The following HDAC9 variants were observed in gnomAD, a reference collection of about 807,000 sequenced individuals.
HDAC9 encodes histone deacetylase 9.
Under a neutral mutation model 139.4 loss-of-function variants are expected in HDAC9, and 41 were observed. The ratio of observed to expected loss-of-function variants is 0.29; its 90% CI spans 0.23 to 0.38. HDAC9 has a LOEUF of 0.38. Among genes scored for constraint, HDAC9 ranks in the 10% least tolerant of loss-of-function variants. The pLI is 1.00. For missense variants in HDAC9, 1,147 were observed against 1,297.0 expected, an observed-to-expected ratio of 0.88 and a Z score of 1.78; for synonymous variants, 517 against 476.2, an observed-to-expected ratio of 1.09 and a Z score of -1.12.
intron 1 of HDAC9, among the ~76,000 whole-genome samples, chr7:18,123,241 T>C (rs1038620501): frequency 6.6e-6 from 1 of 152,196 alleles, no homozygotes; most frequent in African/African-American, 2.4e-5. Context: ...TTATCTAAAA[T>C]GGTAAAGGAA....
At chr7:18,726,267 T>C (rs1785538452) in intron 12 of HDAC9, among the ~76,000 whole-genome samples, 1 of 152,194 alleles carries the variant, frequency 6.6e-6, no homozygotes, top group Non-Finnish European at 1.5e-5. Flanking sequence ...CCAGTGTAAT[T>C]TGTACACTTA....
chr7:18,862,750 A>G (rs1367956096), intron 21 of HDAC9, among the ~76,000 whole-genome samples: 1 of 152,222 alleles, frequency 6.6e-6, no homozygotes, highest in African/African-American at 2.4e-5. Context: ...GCTTAGAAGC[A>G]TATCTAAATC....
chr7:18,427,793 T>A (rs1020072641), intron 1 of HDAC9, among the ~76,000 whole-genome samples: 1 of 151,984 alleles, frequency 6.6e-6, no homozygotes, highest in Admixed American at 6.6e-5. Flanking sequence ...TGTATAATAC[T>A]GTATTGTTAT....
intron 1 of HDAC9, among the ~76,000 whole-genome samples, chr7:18,427,973 G>T (rs1790281297): frequency 6.6e-6 from 1 of 152,036 alleles, no homozygotes. Context: ...CATGTAAGTG[G>T]AATCATGCAG....
chr7:18,429,015 C>G (rs1790385597), intron 1 of HDAC9: 1 of 152,260 alleles, frequency 6.6e-6, no homozygotes, highest in African/African-American at 2.4e-5. Flanking sequence ...TTCAGATCAC[C>G]CTGTAGAAAA....
At chr7:18,130,289 C>T (rs1422574386) in intron 1 of HDAC9, among the ~76,000 whole-genome samples, 1 of 152,048 alleles carries the variant, frequency 6.6e-6, no homozygotes, top group Admixed American at 6.6e-5. Flanking sequence ...CTATATAATG[C>T]TCAACCTGTA....
chr7:18,599,974 G>GTTTT (rs35922999), intron 6 of HDAC9, among the ~76,000 whole-genome samples: 1 of 148,900 alleles, frequency 6.7e-6, no homozygotes, highest in Non-Finnish European at 1.5e-5. Flanking sequence ...TGTATTTTAA[G>GTTTT]TTTTTTTTTT....
rs1554367256 is a variant in HDAC9 at position 18,310,848 on chromosome 7, A to ACT, written c.-42+20338_-42+20339dup. On this transcript the variant is annotated intron_variant, in intron 1 of 3. Coordinates refer to the HDAC9 transcript ENST00000413509. ...CACACACACACACACACACACACAC[A>ACT]CTCTCTTACTAAATTGCTGAGGGCC... Among the ~76,000 whole-genome samples the ACT allele has an allele frequency of 3.5e-3, 477 of 137,718 alleles. 4 individuals carry two copies. The highest frequency in any genetic ancestry group is 0.024 in the East Asian group (117 of 4,872). The allele number at this position is 137,718 out of a possible 152,430, so 90.3% of individuals were successfully genotyped here.
At position 18,698,997 on chromosome 7, in the gene HDAC9, A is replaced by T. The variant is rs150850389; in HGVS notation, c.1732-28583A>T. Among the ~76,000 whole-genome samples the T allele has an allele frequency of 2.0e-5, 3 of 152,300 alleles. No homozygotes were observed. The East Asian group carries it at 5.8e-4, about 29-fold the overall frequency. On this transcript the variant is annotated intron_variant, in intron 12 of 25. Coordinates refer to ENST00000686413, the MANE Select transcript of HDAC9 (RefSeq NM_178425.4). ...TCATTTACACTTGATGGGGGAGATT[A>T]TAGCAATGCACAATAGTTCGTCTTC...
intron 1 of HDAC9, among the ~76,000 whole-genome samples, chr7:18,427,469 T>C (rs1383352504): frequency 2.6e-5 from 4 of 152,022 alleles, no homozygotes; most frequent in Non-Finnish European, 5.9e-5. Flanking sequence ...TTGACTTCCA[T>C]ATGTCTAAAC....
chr7:18,422,619 A>G (rs1789728933), intron 1 of HDAC9, among the ~76,000 whole-genome samples: 1 of 152,088 alleles, frequency 6.6e-6, no homozygotes, highest in Admixed American at 6.6e-5. Context: ...CTGTGGGGAA[A>G]GAAAGCAGAA....
At chr7:18,165,887 G>A (rs1273801723) in intron 2 of HDAC9, among the ~76,000 whole-genome samples, 2 of 151,966 alleles carry the variant, frequency 1.3e-5, no homozygotes, top group African/African-American at 2.4e-5. Context: ...GTGGCTTTGC[G>A]TCTATCTAGG....
intron 1 of HDAC9, among the ~76,000 whole-genome samples, chr7:18,416,301 A>G (rs1236535144): frequency 6.6e-6 from 1 of 152,192 alleles, no homozygotes; most frequent in African/African-American, 2.4e-5. Flanking sequence ...CATCTCAAAA[A>G]AAAACAAAAA....
At chr7:18,154,082 C>G (rs1786989899) in intron 1 of HDAC9, among the ~76,000 whole-genome samples, 1 of 152,172 alleles carries the variant, frequency 6.6e-6, no homozygotes, top group Non-Finnish European at 1.5e-5. Flanking sequence ...AAGATCTATA[C>G]AATATCCGGG....
intron 25 of HDAC9, among the ~76,000 whole-genome samples, chr7:18,994,254 G>A (rs761491857): frequency 2.1e-4 from 32 of 152,032 alleles, no homozygotes; most frequent in Middle Eastern, 3.2e-3. Flanking sequence ...TGGAAAAATC[G>A]GTCTCCATTA....
chr7:18,772,394 T>C (rs1287827128), intron 16 of HDAC9, among the ~76,000 whole-genome samples: 4 of 152,068 alleles, frequency 2.6e-5, no homozygotes, highest in Non-Finnish European at 5.9e-5. Flanking sequence ...GGTTTTGATA[T>C]TGACTCAGGA....
chr7:18,443,963 T>C (rs575642021), intron 1 of HDAC9, among the ~76,000 whole-genome samples: 43 of 152,068 alleles, frequency 2.8e-4, no homozygotes, highest in African/African-American at 8.9e-4. Context: ...TATATATGTA[T>C]GTATGCATGT....
chr7:18,122,009 T>C lies in HDAC9; in HGVS notation c.-97+34796T>C, dbSNP rs1433255006. 1.3e-5 allele frequency among the ~76,000 whole-genome samples: 2 copies of C among 151,630 alleles called. 1 individual carries two copies. The highest frequency in any genetic ancestry group is 4.8e-5 in the African/African-American group (2 of 41,442). On this transcript the variant is annotated intron_variant, in intron 1 of 12. Transcript: ENST00000417496. ...AACCTTTTATGAAATGAAGGCATTC[T>C]TGTATTTCTTCAACATGCCAGTTCC...
chr7:18,545,812 A>G lies in HDAC9; in HGVS notation c.23-39469A>G, dbSNP rs781127059. Among the ~76,000 whole-genome samples, 4 of 152,310 alleles carry G rather than the reference A, an allele frequency of 2.6e-5. No individual in the cohort carries two copies. The South Asian group carries it at 8.3e-4, about 32-fold the overall frequency. ...AGAGAATTATATGTTAAGTGGCAAA[A>G]TTCGACCTACTGGTTCACTATGCAC... On this transcript the variant is annotated intron_variant, in intron 2 of 25. Transcript: ENST00000686413.
Sources: gnomAD v4.1 joint callset for allele counts (sites outside exome capture counted in the v4.1 genomes callset) on GRCh38, gnomAD v4.1.1 for gene constraint, MANE v1.5 for transcripts, NCBI Gene and HGNC (gene_info 2026-07-23, HGNC 2026-07-21) for gene names.